RET: variants seen among roughly 807,000 people sequenced by gnomAD.
RET encodes ret proto-oncogene.
RET carries 19 observed loss-of-function variants against 118.3 expected under a neutral mutation model. That is an observed-to-expected ratio of 0.16 (90% CI 0.11 to 0.24). The LOEUF (loss-of-function observed/expected upper bound fraction) is 0.24, where lower values mean the gene tolerates loss of function less well. Ranked by LOEUF, RET falls within the 10% of genes least tolerant of loss-of-function variation. The pLI, the probability that RET is intolerant of heterozygous loss-of-function variation, is 1.00. For synonymous variants in RET, 597 were observed against 644.1 expected (o/e 0.93, Z 1.11); for missense variants, 1,219 against 1,502.1 (o/e 0.81, Z 3.12).
At chr10:43,123,918 G>T (rs989687152) in intron 17 of RET, 110 bp downstream of exon 17, 11 of 1,515,332 alleles carry the variant, frequency 7.3e-6, no homozygotes, top group Middle Eastern at 1.9e-4. Flanking sequence ...GAAGTGGGGG[G>T]TGGGGAGTGG....
chr10:43,108,074 G>T (rs1374336212), intron 5 of RET, among the ~76,000 whole-genome samples: 1 of 152,044 alleles, frequency 6.6e-6, no homozygotes, highest in Non-Finnish European at 1.5e-5. Context: ...ACCAGGCATA[G>T]TGGCTCACGC....
At chr10:43,109,354 G>T in intron 6 of RET, 124 bp downstream of exon 6, 1 of 987,706 alleles carries the variant, frequency 1.0e-6, no homozygotes. Flanking sequence ...GGAGTCCTGA[G>T]CCCAGGGCCA....
intron 4 of RET, 86 bp downstream of exon 4, chr10:43,105,279 AC>A: frequency 6.3e-7 from 1 of 1,588,098 alleles, no homozygotes. Flanking sequence ...CCGTGTAGCC[AC>A]CCAACCGTGT....
intron 1 of RET, among the ~76,000 whole-genome samples, chr10:43,094,717 C>T (rs1837485341): frequency 6.6e-6 from 1 of 152,210 alleles, no homozygotes; most frequent in Non-Finnish European, 1.5e-5. Flanking sequence ...TATGTGTGCA[C>T]CGAGGGTGCA....
At chr10:43,126,972 A>G in intron 19 of RET, 2 of 1,404,108 alleles carry the variant, frequency 1.4e-6, no homozygotes, top group Non-Finnish European at 1.8e-6. Context: ...ATGGTAGAGG[A>G]AAAAACAGAT....
intron 14 of RET, 61 bp from the exon 15 acceptor site, chr10:43,120,020 T>A: frequency 6.2e-7 from 1 of 1,604,882 alleles, no homozygotes; most frequent in East Asian, 2.2e-5. Context: ...CACACCAGGC[T>A]GAGCCAGTGA....
Position 43,118,357 on chromosome 10 carries a change from C to G in RET, c.2285-16C>G, listed in dbSNP as rs781027098. 1 of 1,605,394 alleles carries G rather than the reference C, an allele frequency of 6.2e-7. No homozygotes were observed. The highest frequency in any genetic ancestry group is 8.5e-7 in the Non-Finnish European group (1 of 1,172,380). The stretch of plus-strand genomic sequence containing the variant: ...CAGGAGCGATCGTTTGCAACCTGCT[C>G]TGTGCTGCATTTCAGAGAACGCCTC... On this transcript the variant is annotated splice_polypyrimidine_tract_variant and intron_variant, in intron 12 of 19. Transcript: ENST00000355710.
chr10:43,093,971 A>G (rs1165212290), intron 1 of RET, among the ~76,000 whole-genome samples: 1 of 152,056 alleles, frequency 6.6e-6, no homozygotes, highest in Admixed American at 6.5e-5. Context: ...CCAGTTCAGC[A>G]GGGCCACGGG....
At chr10:43,121,565 C>T (rs1838217952) in intron 15 of RET, among the ~76,000 whole-genome samples, 1 of 152,208 alleles carries the variant, frequency 6.6e-6, no homozygotes, top group Non-Finnish European at 1.5e-5. Context: ...GGCAAAGTGC[C>T]CAACATGGAA....
chr10:43,111,496 G>A (rs2132778871), intron 7 of RET, 31 bp downstream of exon 7: 2 of 1,598,524 alleles, frequency 1.3e-6, no homozygotes, highest in Non-Finnish European at 1.7e-6. Context: ...GGGAGGGTCG[G>A]GGTCCTGGGG....
At chr10:43,128,045 G>T (rs1838372437) in intron 19 of RET, 67 bp from the exon 20 acceptor site, 2 of 1,550,480 alleles carry the variant, frequency 1.3e-6, no homozygotes, top group African/African-American at 1.4e-5. Context: ...TTTTGCCAAG[G>T]CCTTACTGTC....
intron 1 of RET, 65 bp downstream of exon 1, chr10:43,077,396 G>C: frequency 6.8e-7 from 1 of 1,464,768 alleles, no homozygotes; most frequent in Non-Finnish European, 9.0e-7. Flanking sequence ...GCAGCGGAGC[G>C]GGCGCGTTCA....
chr10:43,104,126 A>G (rs1837703497), intron 3 of RET, among the ~76,000 whole-genome samples: 1 of 152,210 alleles, frequency 6.6e-6, no homozygotes, highest in Admixed American at 6.5e-5. Flanking sequence ...GACGCACTGG[A>G]CAAGGAGGTG....
chr10:43,127,657 C>T (rs1838364924), intron 19 of RET, among the ~76,000 whole-genome samples: 2 of 151,950 alleles, frequency 1.3e-5, no homozygotes, highest in Admixed American at 1.3e-4. Context: ...GCTGACGATG[C>T]TATGAGGCTG....
intron 4 of RET, 34 bp downstream of exon 4, chr10:43,105,227 G>A (rs1391779098): frequency 6.2e-7 from 1 of 1,612,004 alleles, no homozygotes; most frequent in Non-Finnish European, 8.5e-7. Context: ...TCTACCCAGT[G>A]TCTGTCTCCG....
In RET at chr10:43,114,849, C is replaced by A. The variant is rs2132858231; in HGVS notation, c.2136+113C>A. On this transcript the variant is annotated intron_variant, in intron 11 of 19. Coordinates refer to ENST00000355710, the MANE Select transcript of RET (RefSeq NM_020975.6). The surrounding 1 kb of genome is among the most constrained non-coding windows in gnomAD (Gnocchi z 4.6). ...CCTGTGAGGGGCTGCCAACGCTGGG[C>A]AGACGAGGCCTGTGTTCTGCCCCCA... 2 of 1,155,476 alleles carry A rather than the reference C, an allele frequency of 1.7e-6. No individual in the cohort carries two copies. The highest frequency in any genetic ancestry group is 2.5e-5 in the Admixed American group (1 of 39,858). 71.6% of individuals were successfully genotyped at this position (1,155,476 alleles called of 1,614,324 possible). A position where few individuals can be genotyped will look rare whatever the true frequency, so the allele number is the denominator to read the frequency against.
In RET at chr10:43,106,451, A is replaced by C. The variant is rs774637214; in HGVS notation, c.943A>C (p.Thr315Pro). The C allele has an allele frequency of 9.3e-6, 15 of 1,613,436 alleles. No individual in the cohort carries two copies. In the Admixed American group the frequency reaches 1.2e-4, roughly 13 times the overall value. ...PASGELVRRY[T>P]STLLPGDTWA... ...ATCAGGGGAGCTGGTGAGGCGGTAC[A>C]CAAGCACGCTGCTCCCCGGGGACAC... Residue 315 changes from threonine (T) to proline (P), a missense_variant, in exon 5 of 20, where the codon ACA becomes CCA. Physicochemically the swap from Thr to Pro is conservative, Grantham distance 38. Around this residue, in one of 5 missense-constraint regions of RET, gnomAD observed 850 missense variants for 969.6 expected, o/e 0.88. Coordinates refer to ENST00000355710, the MANE Select transcript of RET (RefSeq NM_020975.6). The surrounding 1 kb of genome is among the most constrained non-coding windows in gnomAD (Gnocchi z 5.1).
At chr10:43,117,597 C>G (rs140249342) in intron 12 of RET, among the ~76,000 whole-genome samples, 1 of 152,332 alleles carries the variant, frequency 6.6e-6, no homozygotes, top group Non-Finnish European at 1.5e-5. Context: ...TGTGTTCTGA[C>G]TCTTGGAATA....
rs539549794 is a variant in RET, at chr10:43,088,086, GAT to G, written c.73+10757_73+10758del. On this transcript the variant is annotated intron_variant, in intron 1 of 19. Coordinates refer to ENST00000355710, the MANE Select transcript of RET (RefSeq NM_020975.6). ...TGGTGAAGACGGTGGTGGTGGACGTGATAGGGATATTGATGGTGGAGCTCATA... is the reference window on the plus strand; with the variant it reads ...TGGTGAAGACGGTGGTGGTGGACGTGAGGGATATTGATGGTGGAGCTCATA... 2.3e-3 allele frequency among the ~76,000 whole-genome samples: 356 copies of G among 152,036 alleles called. 1 individual carries two copies. The highest frequency in any genetic ancestry group is 6.8e-3 in the Middle Eastern group (2 of 294).
Sources: allele counts gnomAD v4.1 joint callset (sites outside exome capture counted in the v4.1 genomes callset), GRCh38; gene constraint gnomAD v4.1.1; regional missense constraint gnomAD v4.1.1; non-coding constraint Gnocchi (gnomAD v3.1); transcripts MANE v1.5; gene names NCBI Gene and HGNC (gene_info 2026-07-23, HGNC 2026-07-21).